The following AGBL1 variants were observed in gnomAD, a reference collection of about 807,000 sequenced individuals.
AGBL1 encodes the protein cytosolic carboxypeptidase 4.
Under a neutral mutation model 118.9 loss-of-function variants are expected in AGBL1, and 130 were observed. That is an observed-to-expected ratio of 1.09 (90% CI 0.95 to 1.26). The LOEUF (loss-of-function observed/expected upper bound fraction) is 1.26, where lower values mean the gene tolerates loss of function less well. AGBL1 is among the 50% of genes most tolerant of loss of function. The probability of loss-of-function intolerance (pLI) is 0.00; values close to 1 mark genes in which losing one functional copy is unlikely to be tolerated. For synonymous variants in AGBL1, 555 were observed against 478.9 expected (o/e 1.16, Z -2.08); for missense variants, 1,584 against 1,298.1 (o/e 1.22, Z -3.38).
intron 18 of AGBL1, among the ~76,000 whole-genome samples, chr15:86,452,104 A>C (rs2082200759): frequency 6.6e-6 from 1 of 152,162 alleles, no homozygotes; most frequent in Non-Finnish European, 1.5e-5. Flanking sequence ...ATGTAGACTC[A>C]TTAGAAATCT....
In AGBL1 at chr15:86,168,212, A is replaced by T. The variant is rs140024445; in HGVS notation, c.488+9186A>T. Among the ~76,000 whole-genome samples the T allele has an allele frequency of 3.6e-3, 555 of 152,296 alleles. 5 individuals are homozygous for T. The highest frequency in any genetic ancestry group is 0.012 in the African/African-American group (519 of 41,552). ...ACACATTAGCATGTAAACAAATAAG[A>T]TTAATGTGATCATGGGGGGGATATT... On this transcript the variant is annotated intron_variant, in intron 5 of 22. Transcript: ENST00000614907.
intron 5 of AGBL1, among the ~76,000 whole-genome samples, chr15:86,181,697 CA>C (rs1170358545): frequency 4.0e-5 from 6 of 151,354 alleles, no homozygotes; most frequent in Non-Finnish European, 7.4e-5. Context: ...ATACATCAGT[CA>C]AAAAACTAAA....
intron 22 of AGBL1, among the ~76,000 whole-genome samples, chr15:86,722,302 A>T (rs1467693522): frequency 6.6e-6 from 1 of 152,202 alleles, no homozygotes; most frequent in Non-Finnish European, 1.5e-5. Flanking sequence ...CTGGTACCAA[A>T]ACAGAGATAT....
At chr15:86,506,187 C>T (rs1484366375) in intron 18 of AGBL1, among the ~76,000 whole-genome samples, 4 of 152,034 alleles carry the variant, frequency 2.6e-5, no homozygotes, top group Non-Finnish European at 4.4e-5. Flanking sequence ...TTCAGAACCT[C>T]AAGGTTTGTC....
chr15:86,377,208 T>C (rs1456832834), intron 17 of AGBL1, among the ~76,000 whole-genome samples: 1 of 152,228 alleles, frequency 6.6e-6, no homozygotes, highest in Admixed American at 6.5e-5. Flanking sequence ...CCCCAAGAGA[T>C]GGATTTTAAA....
intron 24 of AGBL1, among the ~76,000 whole-genome samples, chr15:86,999,285 T>A (rs991959326): frequency 2.0e-5 from 3 of 151,786 alleles, no homozygotes; most frequent in Non-Finnish European, 2.9e-5. Flanking sequence ...GTTAGTTACA[T>A]GTGTGTACAT....
At chr15:86,462,801 A>G (rs191653050) in intron 18 of AGBL1, among the ~76,000 whole-genome samples, 1 of 152,294 alleles carries the variant, frequency 6.6e-6, no homozygotes, top group Admixed American at 6.5e-5. Context: ...TCCATGGTGT[A>G]TATGCACCAC....
chr15:86,457,389 C>A (rs958493485), intron 18 of AGBL1, among the ~76,000 whole-genome samples: 2 of 152,148 alleles, frequency 1.3e-5, no homozygotes, highest in African/African-American at 2.4e-5. Flanking sequence ...TCGTCGCAGC[C>A]TCTGCACCCA....
At chr15:86,721,843 G>A (rs1300904734) in intron 22 of AGBL1, among the ~76,000 whole-genome samples, 1 of 152,164 alleles carries the variant, frequency 6.6e-6, no homozygotes, top group Non-Finnish European at 1.5e-5. Context: ...AAAATCACAA[G>A]CATTCTTATA....
intron 17 of AGBL1, among the ~76,000 whole-genome samples, chr15:86,381,464 C>T (rs1221352058): frequency 6.6e-6 from 1 of 151,584 alleles, no homozygotes; most frequent in Non-Finnish European, 1.5e-5. Context: ...TGTGTTGGCT[C>T]CAGGAAGACT....
At chr15:87,023,940 C>CAATA (rs2081696626) in intron 24 of AGBL1, among the ~76,000 whole-genome samples, 1 of 151,796 alleles carries the variant, frequency 6.6e-6, no homozygotes, top group Admixed American at 6.6e-5. Flanking sequence ...AACTGAATGA[C>CAATA]AATAGTGACA....
At chr15:86,949,876 C>G (rs1014907023) in intron 23 of AGBL1, among the ~76,000 whole-genome samples, 2 of 152,044 alleles carry the variant, frequency 1.3e-5, no homozygotes, top group Non-Finnish European at 2.9e-5. Flanking sequence ...ACATAGGACA[C>G]TTATCATTAA....
chr15:86,223,947 A>C (rs568216435), intron 5 of AGBL1, among the ~76,000 whole-genome samples: 108 of 152,218 alleles, frequency 7.1e-4, no homozygotes, highest in African/African-American at 2.6e-3. Context: ...AGAACAACAG[A>C]TGGGGAGGAA....
intron 24 of AGBL1, among the ~76,000 whole-genome samples, chr15:87,028,638 A>T (rs1424826225): frequency 6.6e-6 from 1 of 151,956 alleles, no homozygotes; most frequent in Non-Finnish European, 1.5e-5. Context: ...ACATTCTCAC[A>T]TTCTGGTTGA....
chr15:86,330,234 A>G (rs948144943), intron 17 of AGBL1, among the ~76,000 whole-genome samples: 9 of 152,190 alleles, frequency 5.9e-5, no homozygotes, highest in African/African-American at 1.9e-4. Context: ...AGGATCAAGT[A>G]TATACCCAGC....
intron 17 of AGBL1, among the ~76,000 whole-genome samples, chr15:86,368,880 T>C (rs1333828968): frequency 6.6e-6 from 1 of 152,128 alleles, no homozygotes; most frequent in African/African-American, 2.4e-5. Context: ...TAACCCACAC[T>C]TAGAAACATC....
chr15:86,515,530 T>G (rs1191531152), intron 18 of AGBL1, among the ~76,000 whole-genome samples: 2 of 152,212 alleles, frequency 1.3e-5, no homozygotes, highest in East Asian at 3.8e-4. Flanking sequence ...AAACATTGTC[T>G]TTTATTATTT....
At chr15:86,969,576 T>C (rs181411474) in intron 23 of AGBL1, among the ~76,000 whole-genome samples, 166 of 152,182 alleles carry the variant, frequency 1.1e-3, no homozygotes, top group Non-Finnish European at 1.7e-3. Context: ...CACAAGCATA[T>C]GCATTTGTGT....
chr15:86,487,635 C>T lies in AGBL1; in HGVS notation c.2556-35175C>T, dbSNP rs188731461. Among the ~76,000 whole-genome samples the T allele has an allele frequency of 5.3e-5, 8 of 151,726 alleles. No homozygotes were observed. In the East Asian group the frequency reaches 1.6e-3, roughly 29 times the overall value. On this transcript the variant is annotated intron_variant, in intron 18 of 22. Coordinates refer to ENST00000614907, the MANE Select transcript of AGBL1 (RefSeq NM_001386094.1). ...ATGAAAGCTCATTTGGCAAGGAGGCCGAGACCAGTGCCAGACAGCAAGCTT... is the reference window on the plus strand; with the variant it reads ...ATGAAAGCTCATTTGGCAAGGAGGCTGAGACCAGTGCCAGACAGCAAGCTT...
Sources: allele counts gnomAD v4.1 joint callset (sites outside exome capture counted in the v4.1 genomes callset), GRCh38; gene constraint gnomAD v4.1.1; transcripts MANE v1.5; gene names NCBI Gene and HGNC (gene_info 2026-07-23, HGNC 2026-07-21).